PAICS: variants seen among roughly 807,000 people sequenced by gnomAD.
PAICS encodes bifunctional phosphoribosylaminoimidazole carboxylase/phosphoribosylaminoimidazole succinocarboxamide synthetase.
A neutral mutation model predicts 53.7 loss-of-function variants in PAICS; 33 were observed. The ratio of observed to expected loss-of-function variants is 0.61; its 90% CI spans 0.47 to 0.82. The LOEUF is 0.82. PAICS is among the 40% of genes least tolerant of loss of function. The pLI is 0.00. For missense variants in PAICS, 394 were observed against 494.1 expected, an observed-to-expected ratio of 0.80 and a Z score of 1.92; for synonymous variants, 141 against 167.2, an observed-to-expected ratio of 0.84 and a Z score of 1.21.
At chr4:56,456,706 GT>G (rs371211011) in intron 8 of PAICS, among the ~76,000 whole-genome samples, 210 of 135,480 alleles carry the variant, frequency 1.6e-3, no homozygotes, top group Non-Finnish European at 2.3e-3. Flanking sequence ...TGCCTCTGGG[GT>G]TTTTTTTTTT....
At chr4:56,452,607 G>T (rs1460291565) in intron 7 of PAICS, among the ~76,000 whole-genome samples, 1 of 152,118 alleles carries the variant, frequency 6.6e-6, no homozygotes, top group Non-Finnish European at 1.5e-5. Flanking sequence ...GAGAACCTCT[G>T]GCATCCTTAC....
At chr4:56,454,303 T>C (rs977603785) in intron 8 of PAICS, among the ~76,000 whole-genome samples, 1 of 152,134 alleles carries the variant, frequency 6.6e-6, no homozygotes, top group African/African-American at 2.4e-5. Flanking sequence ...TTGGGGGAGT[T>C]AGAATGAATT....
rs1241298190 is a variant in PAICS, at chr4:56,460,802, C to G, written c.*1264C>G. On this transcript the variant is annotated 3_prime_UTR_variant, in exon 9 of 9. Coordinates refer to ENST00000512576, the MANE Select transcript of PAICS (RefSeq NM_001079524.2). ...CCTGGCCAACATGGTGAAACCCTGT[C>G]TCTACTAAAAATACAAAAAGTAGCC... 1 of 152,216 alleles carries G rather than the reference C, an allele frequency of 6.6e-6. No homozygotes were observed. The highest frequency in any genetic ancestry group is 1.5e-5 in the Non-Finnish European group (1 of 68,142). The allele number at this position is 152,216 out of a possible 1,614,324, so 9.4% of individuals were successfully genotyped here.
chr4:56,430,461 G>A, the PAICS span, among the ~76,000 whole-genome samples: 1 of 151,966 alleles, frequency 6.6e-6, no homozygotes, highest in Non-Finnish European at 1.5e-5. Flanking sequence ...TGCCCTGTAT[G>A]GTAAAGTATT....
At chr4:56,436,025 T>C, upstream of PAICS, 2 of 1,525,710 alleles carry the variant, frequency 1.3e-6, no homozygotes, top group Admixed American at 3.7e-5. Context: ...CGCGCCACTT[T>C]TCGCCTGTCC....
the PAICS span, among the ~76,000 whole-genome samples, chr4:56,428,150 T>C: frequency 5.3e-5 from 8 of 152,254 alleles, no homozygotes; most frequent in Admixed American, 2.0e-4. Context: ...TATTGTATTC[T>C]TGGTACTTTA....
At chr4:56,424,072 G>GT in the PAICS span, among the ~76,000 whole-genome samples, 1 of 151,992 alleles carries the variant, frequency 6.6e-6, no homozygotes, top group Non-Finnish European at 1.5e-5. Flanking sequence ...TTTATTTTTT[G>GT]TATTTCACTG....
chr4:56,433,148 T>A (rs1717691517), upstream of PAICS, among the ~76,000 whole-genome samples: 1 of 151,978 alleles, frequency 6.6e-6, no homozygotes, highest in Non-Finnish European at 1.5e-5. Context: ...TCCCAAAGGA[T>A]GAGCACTTTA....
chr4:56,425,375 CA>C, the PAICS span: 53 of 761,046 alleles, frequency 7.0e-5, no homozygotes, highest in South Asian at 1.7e-3. Flanking sequence ...TCCAATAGTA[CA>C]TCCAGATAGA....
intron 1 of PAICS, among the ~76,000 whole-genome samples, chr4:56,439,873 C>T (rs1718249328): frequency 6.6e-6 from 1 of 152,174 alleles, no homozygotes; most frequent in South Asian, 2.1e-4. Flanking sequence ...AATCTGCCCT[C>T]CTTGTCTTCC....
At chr4:56,419,716 T>C in the PAICS span, 1 of 981,408 alleles carries the variant, frequency 1.0e-6, no homozygotes, top group Non-Finnish European at 1.2e-6. Flanking sequence ...GTCAGGGCTC[T>C]AATAGACATC....
chr4:56,413,448 T>G, the PAICS span, among the ~76,000 whole-genome samples: 1 of 152,154 alleles, frequency 6.6e-6, no homozygotes, highest in African/African-American at 2.4e-5. Context: ...AGGCACCATG[T>G]CTGGCCATTA....
At position 56,436,282 on chromosome 4, in the gene PAICS, C is replaced by T; in HGVS notation, c.-31C>T. 4 of 1,594,908 alleles carry T rather than the reference C, an allele frequency of 2.5e-6. No individual in the cohort carries two copies. The highest frequency in any genetic ancestry group is 3.4e-5 in the Admixed American group (2 of 58,040). Reference sequence around the variant, plus strand: ...TCTAGAGTTCTGCCTCGCTTCCCGGCGCGGTCGCAGCCCTCAGCCCACTTA... The same window carrying T: ...TCTAGAGTTCTGCCTCGCTTCCCGGTGCGGTCGCAGCCCTCAGCCCACTTA... On this transcript the variant is annotated 5_prime_UTR_variant, in exon 1 of 9. Transcript: ENST00000512576.
At chr4:56,435,622 G>T, upstream of PAICS, 1 of 1,473,608 alleles carries the variant, frequency 6.8e-7, no homozygotes, top group African/African-American at 1.4e-5. Context: ...TACTGCGGCG[G>T]CGCGCGCTGT....
chr4:56,436,402 C>G, intron 1 of PAICS, 74 bp downstream of exon 1: 8 of 1,196,360 alleles, frequency 6.7e-6, no homozygotes, highest in Non-Finnish European at 9.7e-6. Flanking sequence ...ACGTGCGAGC[C>G]GCGAAACTCT....
At chr4:56,436,207 C>T (rs1204474198), upstream of PAICS, 7 of 1,528,724 alleles carry the variant, frequency 4.6e-6, no homozygotes, top group South Asian at 1.2e-5. Flanking sequence ...CAGGGTCGCG[C>T]GGCCCCGCCT....
intron 8 of PAICS, among the ~76,000 whole-genome samples, chr4:56,458,498 T>C (rs1168999995): frequency 6.6e-6 from 1 of 152,210 alleles, no homozygotes; most frequent in Non-Finnish European, 1.5e-5. Context: ...AGGTAGCTAC[T>C]AGTTAAAATT....
rs1488708849 is a variant in PAICS at position 56,441,726 on chromosome 4, G to C, written c.80G>C (p.Ser27Thr). ...KTKEVYELLD[S>T]PGKVLLQSKD... The stretch of plus-strand genomic sequence containing the variant: ...AAAGAAGTCTACGAATTGTTAGACA[G>C]TCCAGGAAAAGTCCTCCTGCAGTCC... The change falls in exon 2 of 9, where the codon AGT becomes ACT. Residue 27 changes from serine (S) to threonine (T), a missense_variant. Ser to Thr is a moderately conservative substitution (Grantham distance 58). Transcript: ENST00000512576. 2 of 1,605,180 alleles carry C rather than the reference G, an allele frequency of 1.2e-6. No individual in the cohort carries two copies. Among genetic ancestry groups the C allele is most frequent in the South Asian group, 2.2e-5 (2 of 89,348 alleles).
At chr4:56,416,727 T>C in the PAICS span, among the ~76,000 whole-genome samples, 1 of 152,224 alleles carries the variant, frequency 6.6e-6, no homozygotes, top group East Asian at 1.9e-4. Context: ...ATGATCACTT[T>C]AGTGTTGAGG....
Sources: gnomAD v4.1 joint callset for allele counts (sites outside exome capture counted in the v4.1 genomes callset) on GRCh38, gnomAD v4.1.1 for gene constraint, MANE v1.5 for transcripts, NCBI Gene and HGNC (gene_info 2026-07-23, HGNC 2026-07-21) for gene names.